FAT1: variants seen among roughly 807,000 people sequenced by gnomAD.
FAT1 encodes protocadherin Fat 1.
Under a neutral mutation model 329.8 loss-of-function variants are expected in FAT1, and 171 were observed. That is an observed-to-expected ratio of 0.52 (90% CI 0.46 to 0.59). The LOEUF (loss-of-function observed/expected upper bound fraction) is 0.59, where lower values mean the gene tolerates loss of function less well. Among genes scored for constraint, FAT1 ranks in the 20% least tolerant of loss-of-function variants. The pLI is 0.00. For missense variants in FAT1, 5,672 were observed against 5,774.4 expected (o/e 0.98, Z 0.57); for synonymous variants, 2,233 against 2,228.6 (o/e 1.00, Z -0.06).
intron 3 of FAT1, among the ~76,000 whole-genome samples, chr4:186,661,197 G>C (rs943350826): frequency 6.6e-6 from 1 of 152,130 alleles, no homozygotes; most frequent in East Asian, 1.9e-4. Context: ...TTAGTCTTTG[G>C]TTATAATGTT....
At chr4:186,713,764 G>A (rs1386011507) in intron 1 of FAT1, among the ~76,000 whole-genome samples, 2 of 152,084 alleles carry the variant, frequency 1.3e-5, no homozygotes, top group African/African-American at 4.8e-5. Flanking sequence ...CCCCGTCTCA[G>A]CCTCCTGAGT....
chr4:186,604,513 T>C lies in FAT1; in HGVS notation c.10412A>G (p.His3471Arg). Reference sequence around the variant, plus strand: ...AGTAAAGAAGAAGGGTGGACCGTTATGGGAAGAATCCTCATCTGTTACTAC... The same window carrying C: ...AGTAAAGAAGAAGGGTGGACCGTTACGGGAAGAATCCTCATCTGTTACTAC... ...QLVVTDEDSS[H>R]NGPPFFFTIV... is the part of the protein sequence containing the mutation. Residue 3471 changes from histidine (H) to arginine (R), a missense_variant, in exon 18 of 27, where the codon CAT becomes CGT. Around this residue, in one of 2 missense-constraint regions of FAT1, gnomAD observed 1,706 missense variants for 1,859.1 expected, o/e 0.92. Transcript: ENST00000441802. The C allele has an allele frequency of 1.2e-6, 2 of 1,613,860 alleles. No homozygotes were observed. The highest frequency in any genetic ancestry group is 2.2e-5 in the East Asian group (1 of 44,872).
intron 2 of FAT1, among the ~76,000 whole-genome samples, chr4:186,679,818 A>C (rs1743130958): frequency 6.6e-6 from 1 of 152,232 alleles, no homozygotes; most frequent in Non-Finnish European, 1.5e-5. Flanking sequence ...GAGGTGGTGA[A>C]GCAATCGTAT....
intron 2 of FAT1, among the ~76,000 whole-genome samples, chr4:186,679,140 G>T (rs1743080319): frequency 6.6e-6 from 1 of 152,178 alleles, no homozygotes; most frequent in Admixed American, 6.5e-5. Context: ...CAGCACTATG[G>T]GAGGCCGAGG....
At position 186,705,661 on chromosome 4, in the gene FAT1, G is replaced by A. The variant is rs573523071; in HGVS notation, c.3265+902C>T. Among the ~76,000 whole-genome samples the A allele has an allele frequency of 2.4e-3, 360 of 152,304 alleles. 3 individuals carry two copies. The highest frequency in any genetic ancestry group is 2.6e-3 in the Non-Finnish European group (177 of 68,028). ...GATGCAGGGGCTAAAAGCCTGCCCC[G>A]AAAGGCTCACACTCCACCAGGACAT... is the stretch of plus-strand genomic sequence containing the variant. On this transcript the variant is annotated intron_variant, in intron 2 of 26. Coordinates refer to ENST00000441802, the MANE Select transcript of FAT1 (RefSeq NM_005245.4).
At position 186,603,342 on chromosome 4, in the gene FAT1, A is replaced by T. The variant is rs139731650; in HGVS notation, c.11184T>A (p.Val3728=). 1 of 1,613,974 alleles carries T rather than the reference A, an allele frequency of 6.2e-7. No homozygotes were observed. Among genetic ancestry groups the T allele is most frequent in the African/African-American group, 1.3e-5 (1 of 75,042 alleles). Residue 3728 remains valine, a synonymous_variant, in exon 19 of 27, where the codon GTT becomes GTA. Coordinates refer to ENST00000441802, the MANE Select transcript of FAT1 (RefSeq NM_005245.4). ...GTTTCTGGAATACATTCAGTATCCT[A>T]ACTCCAATGATTTCCTCAATGTCAG... The part of the protein sequence containing the change: ...SVTDIEEIIG[V]RILNVFQKLC...
chr4:186,656,758 G>T (rs1741922621), intron 3 of FAT1, among the ~76,000 whole-genome samples: 1 of 152,148 alleles, frequency 6.6e-6, no homozygotes, highest in African/African-American at 2.4e-5. Flanking sequence ...CCAGGATATT[G>T]CTAAGTTTCG....
At chr4:186,659,889 T>TC (rs1401553828) in intron 3 of FAT1, among the ~76,000 whole-genome samples, 1 of 145,938 alleles carries the variant, frequency 6.9e-6, no homozygotes, top group Non-Finnish European at 1.5e-5. Context: ...CCCTGGGTGC[T>TC]CCTGCACTCT....
rs2126704381 is a variant in FAT1, at chr4:186,709,460, A to G, written c.368T>C (p.Leu123Pro). 6.2e-7 allele frequency: 1 copy of G among 1,613,970 alleles called. No homozygotes were observed. The highest frequency in any genetic ancestry group is 8.5e-7 in the Non-Finnish European group (1 of 1,179,888). The change falls in exon 2 of 27, where the codon CTT becomes CCT. Residue 123 changes from leucine (L) to proline (P), a missense_variant. Leu to Pro is a moderately conservative substitution (Grantham distance 98). Coordinates refer to ENST00000441802, the MANE Select transcript of FAT1 (RefSeq NM_005245.4). ...CGCCTCCACATTAGTATTTTTTTCAAGTGCTTTCACTATCAATGTGTAGTG... is the reference window on the plus strand; with the variant it reads ...CGCCTCCACATTAGTATTTTTTTCAGGTGCTTTCACTATCAATGTGTAGTG... The part of the protein sequence containing the change: ...KDHYTLIVKA[L>P]EKNTNVEART...
chr4:186,649,694 C>T (rs992274879), intron 3 of FAT1, among the ~76,000 whole-genome samples: 3 of 152,074 alleles, frequency 2.0e-5, no homozygotes, highest in East Asian at 1.9e-4. Flanking sequence ...CAGGCCCTCA[C>T]GGCACCTGGA....
chr4:186,708,677 G>A lies in FAT1; in HGVS notation c.1151C>T (p.Thr384Ile), dbSNP rs961756374. The part of the protein sequence containing the change: ...AEISEFAPPN[T>I]PVVMVKAIPA... ...AATGGCCTTTACCATGACCACAGGTGTGTTGGGAGGAGCAAATTCACTTAT... is the reference window on the plus strand; with the variant it reads ...AATGGCCTTTACCATGACCACAGGTATGTTGGGAGGAGCAAATTCACTTAT... The change falls in exon 2 of 27, where the codon ACA becomes ATA. Residue 384 changes from threonine to isoleucine, a missense_variant. Around this residue, in one of 2 missense-constraint regions of FAT1, gnomAD observed 3,966 missense variants for 3,915.2 expected, o/e 1.01. Coordinates refer to ENST00000441802, the MANE Select transcript of FAT1 (RefSeq NM_005245.4). 3.1e-6 allele frequency: 5 copies of A among 1,613,880 alleles called. No homozygotes were observed. The highest frequency in any genetic ancestry group is 4.2e-6 in the Non-Finnish European group (5 of 1,179,894).
chr4:186,708,960 C>T lies in FAT1; in HGVS notation c.868G>A (p.Ala290Thr), dbSNP rs1561011141. 2 of 1,614,036 alleles carry T rather than the reference C, an allele frequency of 1.2e-6. No homozygotes were observed. The highest frequency in any genetic ancestry group is 1.7e-6 in the Non-Finnish European group (2 of 1,179,902). Residue 290 changes from alanine to threonine, a missense_variant, in exon 2 of 27, where the codon GCA becomes ACA. Physicochemically the swap from Ala to Thr is moderately conservative, Grantham distance 58. Coordinates refer to ENST00000441802, the MANE Select transcript of FAT1 (RefSeq NM_005245.4). ...TCACCTGCCACGATGCTTAAAGATG[C>T]TATGTCACCATTGGCACCCTGATCG... ...DCDQGANGDI[A>T]SLSIVAGDLL... is the part of the protein sequence containing the mutation.
At chr4:186,646,302 G>A (rs1237285413) in intron 3 of FAT1, among the ~76,000 whole-genome samples, 1 of 152,142 alleles carries the variant, frequency 6.6e-6, no homozygotes, top group East Asian at 1.9e-4. Context: ...CTTTTACTCT[G>A]ATTATTTTCC....
At chr4:186,634,857 GCAAT>G (rs1387500176) in intron 6 of FAT1, among the ~76,000 whole-genome samples, 2 of 152,202 alleles carry the variant, frequency 1.3e-5, no homozygotes, top group East Asian at 1.9e-4. Flanking sequence ...CAGAATAAAA[GCAAT>G]CAATCAAACC....
At chr4:186,593,056 AG>A (rs1221166869) in intron 26 of FAT1, among the ~76,000 whole-genome samples, 1 of 152,248 alleles carries the variant, frequency 6.6e-6, no homozygotes, top group African/African-American at 2.4e-5. Context: ...GCATCATGCC[AG>A]GCCAAAACGA....
chr4:186,683,521 C>T (rs1743321011), intron 2 of FAT1, among the ~76,000 whole-genome samples: 1 of 152,226 alleles, frequency 6.6e-6, no homozygotes, highest in Admixed American at 6.5e-5. Flanking sequence ...CTTTCACCCT[C>T]TCAAATCTTG....
At chr4:186,604,648 G>C in intron 17 of FAT1, 74 bp from the exon 18 acceptor site, 1 of 923,446 alleles carries the variant, frequency 1.1e-6, no homozygotes, top group Non-Finnish European at 1.6e-6. Context: ...AGACACATGA[G>C]TTTTCTATAA....
chr4:186,679,323 A>G (rs1298828245), intron 2 of FAT1, among the ~76,000 whole-genome samples: 1 of 149,922 alleles, frequency 6.7e-6, no homozygotes, highest in Admixed American at 6.7e-5. Flanking sequence ...AGGCTGAGGC[A>G]GGAGAATGGC....
intron 2 of FAT1, among the ~76,000 whole-genome samples, chr4:186,703,790 A>G (rs770364315): frequency 2.6e-4 from 39 of 152,234 alleles, no homozygotes; most frequent in Admixed American, 7.9e-4. Flanking sequence ...GGTGTTCCTC[A>G]ACTGCCCCTC....
Sources: gnomAD v4.1 joint callset for allele counts (sites outside exome capture counted in the v4.1 genomes callset) on GRCh38, gnomAD v4.1.1 for gene constraint, gnomAD v4.1.1 regional missense constraint, MANE v1.5 for transcripts, NCBI Gene and HGNC (gene_info 2026-07-23, HGNC 2026-07-21) for gene names.